ALPK2: variants seen among roughly 807,000 people sequenced by gnomAD.
The protein encoded by ALPK2 is alpha kinase 2, also known as alpha-protein kinase 2.
In ALPK2, 127 loss-of-function variants were observed where a neutral mutation model predicts 163.1. That is an observed-to-expected ratio of 0.78 (90% confidence interval 0.67 to 0.90). The LOEUF (loss-of-function observed/expected upper bound fraction) is 0.90. ALPK2 is among the 40% of genes least tolerant of loss of function. The pLI is 0.00. For missense variants in ALPK2, 2,360 were observed against 2,589.6 expected (o/e 0.91, Z 1.92); for synonymous variants, 953 against 959.1 (o/e 0.99, Z 0.12).
In ALPK2 at chr18:58,579,399, T is replaced by G. The variant is rs1309915952; in HGVS notation, c.1377A>C (p.Glu459Asp). Reference protein sequence around the residue: ...YKLPTAPEAAENDYPGIQGET... With the variant: ...YKLPTAPEAADNDYPGIQGET... The stretch of plus-strand genomic sequence containing the variant: ...CTCCTTGAATTCCTGGATAATCATT[T>G]TCAGCAGCCTCGGGAGCAGTGGGGA... The change falls in exon 4 of 13, where the codon GAA becomes GAC. Residue 459 changes from glutamate (E) to aspartate (D), a missense_variant. Glu to Asp is a conservative substitution (Grantham distance 45). Transcript: ENST00000361673. 6.2e-7 allele frequency: 1 copy of G among 1,614,172 alleles called. No individual in the cohort carries two copies. Among genetic ancestry groups the G allele is most frequent in the African/African-American group, 1.3e-5 (1 of 75,046 alleles).
chr18:58,523,905 A>G (rs770332731), intron 7 of ALPK2, 30 bp downstream of exon 7: 3 of 1,614,122 alleles, frequency 1.9e-6, no homozygotes, highest in Non-Finnish European at 2.5e-6. Flanking sequence ...GGCAGGGGCC[A>G]GTGGTTTTTC....
intron 2 of ALPK2, 49 bp downstream of exon 2, chr18:58,611,640 G>A: frequency 1.3e-6 from 2 of 1,508,296 alleles, no homozygotes; most frequent in South Asian, 1.2e-5. Context: ...AAGAAACCTG[G>A]TATGCAGGGA....
At chr18:58,607,046 A>G (rs116035429) in intron 3 of ALPK2, among the ~76,000 whole-genome samples, 59 of 152,352 alleles carry the variant, frequency 3.9e-4, no homozygotes, top group African/African-American at 1.4e-3. Context: ...TGAAAAGCTT[A>G]TTTAATGGAT....
In ALPK2 at chr18:58,496,866, C is replaced by T. The variant is rs1183863991; in HGVS notation, c.6296+1183G>A. 3.3e-5 allele frequency among the ~76,000 whole-genome samples: 5 copies of T among 152,186 alleles called. No individual in the cohort carries two copies. In the East Asian group the frequency reaches 5.8e-4, roughly 18 times the overall value. On this transcript the variant is annotated intron_variant, in intron 12 of 12. Coordinates refer to ENST00000361673, the MANE Select transcript of ALPK2 (RefSeq NM_052947.4). ...ATATGCAAACCAACCAATCCAGAGCCACACCCCTAATACCCCCTCTGTGGT... is the reference window on the plus strand; with the variant it reads ...ATATGCAAACCAACCAATCCAGAGCTACACCCCTAATACCCCCTCTGTGGT...
Position 58,515,098 on chromosome 18 carries a change from C to G in ALPK2, c.5941-17G>C. 6.3e-7 allele frequency: 1 copy of G among 1,589,746 alleles called. No homozygotes were observed. Among genetic ancestry groups the G allele is most frequent in the Non-Finnish European group, 8.6e-7 (1 of 1,160,626 alleles). On this transcript the variant is annotated splice_polypyrimidine_tract_variant and intron_variant, in intron 9 of 12. Coordinates refer to ENST00000361673, the MANE Select transcript of ALPK2 (RefSeq NM_052947.4). ...ATAGCATTCCTATATCGCCAAAATA[C>G]ATAGAAAGCCCCAGTGACTACAGGA... is the stretch of plus-strand genomic sequence containing the variant.
At chr18:58,564,120 G>GTTTT (rs1555672429) in intron 4 of ALPK2, among the ~76,000 whole-genome samples, 1 of 42,856 alleles carries the variant, frequency 2.3e-5, no homozygotes, top group African/African-American at 1.3e-4. Context: ...TGATGTCTTT[G>GTTTT]TTCTTTTTTT....
At chr18:58,544,065 T>C (rs2051705138) in intron 4 of ALPK2, among the ~76,000 whole-genome samples, 1 of 152,210 alleles carries the variant, frequency 6.6e-6, no homozygotes, top group African/African-American at 2.4e-5. Flanking sequence ...GACTCAGTTA[T>C]TCATTTCTGA....
At chr18:58,609,731 G>A (rs969494076) in intron 2 of ALPK2, among the ~76,000 whole-genome samples, 5 of 152,146 alleles carry the variant, frequency 3.3e-5, no homozygotes, top group African/African-American at 1.2e-4. Context: ...TCACCTGAAA[G>A]TCCTCCCCTT....
intron 3 of ALPK2, among the ~76,000 whole-genome samples, chr18:58,582,288 G>A (rs902849645): frequency 4.6e-5 from 7 of 152,162 alleles, no homozygotes; most frequent in Admixed American, 2.0e-4. Flanking sequence ...GGGCAGTACC[G>A]AGACAAAGAT....
chr18:58,491,981 T>C (rs1391652445), intron 12 of ALPK2, among the ~76,000 whole-genome samples: 5 of 152,212 alleles, frequency 3.3e-5, no homozygotes, highest in Non-Finnish European at 5.9e-5. Flanking sequence ...ACATTTCCAG[T>C]GTGCTCCAAG....
At chr18:58,518,013 T>A (rs2051531552) in intron 8 of ALPK2, among the ~76,000 whole-genome samples, 1 of 152,180 alleles carries the variant, frequency 6.6e-6, no homozygotes, top group Admixed American at 6.5e-5. Context: ...CACTTTAAAC[T>A]AGAGATGACC....
chr18:58,515,251 A>G (rs1403004140), intron 9 of ALPK2, among the ~76,000 whole-genome samples, 170 bp from the exon 10 acceptor site: 1 of 152,208 alleles, frequency 6.6e-6, no homozygotes, highest in Non-Finnish European at 1.5e-5. Flanking sequence ...AGAGTTGGCC[A>G]CTTAGGGAGG....
In ALPK2 at chr18:58,484,834, A is replaced by G. The variant is rs191864418; in HGVS notation, c.6297-2795T>C. ...CCATAGAAACCATGTAGCTCAGGGCATAACACAGTAAAGATTCAGCTGATG... is the reference window on the plus strand; with the variant it reads ...CCATAGAAACCATGTAGCTCAGGGCGTAACACAGTAAAGATTCAGCTGATG... On this transcript the variant is annotated intron_variant, in intron 12 of 12. Coordinates refer to ENST00000361673, the MANE Select transcript of ALPK2 (RefSeq NM_052947.4). 3.3e-5 allele frequency among the ~76,000 whole-genome samples: 5 copies of G among 152,330 alleles called. No homozygotes were observed. The East Asian group carries it at 9.6e-4, about 29-fold the overall frequency.
intron 5 of ALPK2, among the ~76,000 whole-genome samples, chr18:58,531,935 CAAAAAAAAAAAAAAAA>C (rs35957271): frequency 6.0e-5 from 3 of 49,612 alleles, no homozygotes; most frequent in East Asian, 1.4e-3. Flanking sequence ...GGCTCCGTCT[CAAAAAAAAAAAAAAAA>C]AAAAAAAAAA....
At chr18:58,529,989 G>A (rs557767301) in intron 5 of ALPK2, among the ~76,000 whole-genome samples, 1 of 152,196 alleles carries the variant, frequency 6.6e-6, no homozygotes, top group Non-Finnish European at 1.5e-5. Context: ...CCGAGTGGTC[G>A]TAACAATTGG....
At chr18:58,525,346 C>T (rs2051578868) in intron 6 of ALPK2, among the ~76,000 whole-genome samples, 1 of 152,172 alleles carries the variant, frequency 6.6e-6, no homozygotes, top group African/African-American at 2.4e-5. Context: ...GGAAGACTTC[C>T]GGACAGGGCA....
chr18:58,525,930 C>T (rs977388285), intron 6 of ALPK2, among the ~76,000 whole-genome samples: 2 of 140,826 alleles, frequency 1.4e-5, no homozygotes, highest in African/African-American at 5.4e-5. Flanking sequence ...GGAGTATCTG[C>T]TCTGTGCTTA....
At chr18:58,627,501 G>A (rs565393588) in intron 1 of ALPK2, among the ~76,000 whole-genome samples, 229 of 152,158 alleles carry the variant, frequency 1.5e-3, no homozygotes, top group Non-Finnish European at 2.6e-3. Context: ...GCAGGCACCC[G>A]TAATGCCACC....
intron 10 of ALPK2, among the ~76,000 whole-genome samples, chr18:58,505,771 C>A (rs1027330753): frequency 6.6e-6 from 1 of 152,166 alleles, no homozygotes; most frequent in Non-Finnish European, 1.5e-5. Flanking sequence ...TCGAAAGAAG[C>A]CTCTATCAAG....
Sources: gnomAD v4.1 joint callset for allele counts (sites outside exome capture counted in the v4.1 genomes callset) on GRCh38, gnomAD v4.1.1 for gene constraint, MANE v1.5 for transcripts, NCBI Gene and HGNC (gene_info 2026-07-23, HGNC 2026-07-21) for gene names.